The following ADCY8 variants were observed in gnomAD, a reference collection of about 807,000 sequenced individuals.
ADCY8 encodes adenylate cyclase type 8.
ADCY8 carries 51 observed loss-of-function variants against 119.7 expected under a neutral mutation model. The ratio of observed to expected loss-of-function variants is 0.43; its 90% confidence interval spans 0.34 to 0.54. ADCY8 has a LOEUF of 0.54. Among genes scored for constraint, ADCY8 ranks in the 20% least tolerant of loss-of-function variants. ADCY8 has a pLI of 0.03. For missense variants in ADCY8, 1,383 were observed against 1,598.8 expected (o/e 0.87, Z 2.30); for synonymous variants, 665 against 651.0 (o/e 1.02, Z -0.33).
At chr8:130,918,746 C>T (rs1183394993) in intron 5 of ADCY8, among the ~76,000 whole-genome samples, 2 of 152,142 alleles carry the variant, frequency 1.3e-5, no homozygotes, top group Non-Finnish European at 2.9e-5. Context: ...CATTGGACAA[C>T]CTCTAATCCA....
rs923574977 is a variant in ADCY8 at position 130,909,817 on chromosome 8, G to T, written c.1531C>A (p.His511Asn). 1 of 1,614,018 alleles carries T rather than the reference G, an allele frequency of 6.2e-7. No homozygotes were observed. The highest frequency in any genetic ancestry group is 8.5e-7 in the Non-Finnish European group (1 of 1,180,026). ...ACACCGCACAGCACCGAGCCGGAGTGGATTCCAATCCTCATGTCAACATCG... is the reference window on the plus strand; with the variant it reads ...ACACCGCACAGCACCGAGCCGGAGTTGATTCCAATCCTCATGTCAACATCG... Reference protein sequence around the residue: ...KHDVDMRIGIHSGSVLCGVLG... With the variant: ...KHDVDMRIGINSGSVLCGVLG... Residue 511 changes from histidine to asparagine, a missense_variant, in exon 6 of 18, where the codon CAC (histidine) becomes AAC (asparagine). Transcript: ENST00000286355.
chr8:130,798,879 C>T (rs1586424003), intron 15 of ADCY8, among the ~76,000 whole-genome samples: 2 of 152,050 alleles, frequency 1.3e-5, no homozygotes, highest in South Asian at 4.1e-4. Context: ...TGGAAACACA[C>T]ACACACGCAT....
At chr8:130,914,668 A>G (rs1230116340) in intron 5 of ADCY8, among the ~76,000 whole-genome samples, 1 of 152,174 alleles carries the variant, frequency 6.6e-6, no homozygotes. Context: ...AGCATTCTTG[A>G]AGCTAAAATG....
At chr8:130,805,301 C>G (rs1815911801) in intron 14 of ADCY8, among the ~76,000 whole-genome samples, 3 of 152,076 alleles carry the variant, frequency 2.0e-5, no homozygotes, top group Admixed American at 2.0e-4. Flanking sequence ...TACCCGAGCC[C>G]CATAGTTGTT....
chr8:130,806,197 C>A (rs1168078526), intron 14 of ADCY8, among the ~76,000 whole-genome samples: 1 of 152,190 alleles, frequency 6.6e-6, no homozygotes, highest in African/African-American at 2.4e-5. Flanking sequence ...ATGACAGTGC[C>A]AGCTCTTGCT....
At chr8:130,833,885 G>GGT (rs1010704206) in intron 12 of ADCY8, among the ~76,000 whole-genome samples, 4 of 151,934 alleles carry the variant, frequency 2.6e-5, no homozygotes, top group Non-Finnish European at 4.4e-5. Context: ...AGAGACTTGA[G>GGT]GTGTGTGTGT....
intron 1 of ADCY8, among the ~76,000 whole-genome samples, chr8:130,999,942 T>G (rs759307455): frequency 6.6e-6 from 1 of 152,262 alleles, no homozygotes; most frequent in Admixed American, 6.5e-5. Context: ...TTAGGACTGA[T>G]GTTTCATCAT....
intron 9 of ADCY8, among the ~76,000 whole-genome samples, chr8:130,851,213 T>C (rs974978723): frequency 7.2e-5 from 11 of 152,350 alleles, no homozygotes; most frequent in Middle Eastern, 6.8e-3. Context: ...CAAAGACACA[T>C]CTTCCTCATC....
intron 9 of ADCY8, among the ~76,000 whole-genome samples, chr8:130,853,304 G>GGCTTT (rs1817600103): frequency 6.6e-6 from 1 of 152,230 alleles, no homozygotes; most frequent in African/African-American, 2.4e-5. Context: ...AGCCCAGGTT[G>GGCTTT]GCTTAACCCT....
intron 2 of ADCY8, among the ~76,000 whole-genome samples, chr8:130,970,398 A>C (rs1041323180): frequency 6.6e-6 from 1 of 152,204 alleles, no homozygotes; most frequent in African/African-American, 2.4e-5. Context: ...ATGGGAATGT[A>C]ATGCCTGATG....
chr8:130,834,701 T>C (rs1469198764), intron 12 of ADCY8, among the ~76,000 whole-genome samples: 2 of 152,164 alleles, frequency 1.3e-5, no homozygotes, highest in South Asian at 2.1e-4. Context: ...ATGAAATCCA[T>C]ATATATCAAC....
intron 1 of ADCY8, among the ~76,000 whole-genome samples, chr8:131,027,397 CA>C (rs1309539916): frequency 6.6e-6 from 1 of 152,072 alleles, no homozygotes; most frequent in Non-Finnish European, 1.5e-5. Flanking sequence ...TGATGAGGTT[CA>C]ACAGTAGAAC....
rs34424673 is a variant in ADCY8, at chr8:130,901,242, CTTTTTTT to C, written c.1911+2523_1911+2529del. On this transcript the variant is annotated intron_variant, in intron 7 of 17. Coordinates refer to ENST00000286355, the MANE Select transcript of ADCY8 (RefSeq NM_001115.3). ...GTGATTTTTTTTCCCCATCCCTCCT[CTTTTTTT>C]TTTTTTTTTTTTTTACTAGCAGTAG... 4.2e-3 allele frequency among the ~76,000 whole-genome samples: 481 copies of C among 115,574 alleles called. 4 individuals are homozygous for C. The highest frequency in any genetic ancestry group is 0.015 in the African/African-American group (470 of 30,576). 75.8% of individuals were successfully genotyped at this position (115,574 alleles called of 152,430 possible).
At chr8:130,843,733 T>G (rs6991158) in intron 11 of ADCY8, among the ~76,000 whole-genome samples, 1 of 152,132 alleles carries the variant, frequency 6.6e-6, no homozygotes, top group Non-Finnish European at 1.5e-5. Flanking sequence ...ATTGTGGGCC[T>G]TGTCCTGTGC....
chr8:131,014,809 C>T (rs182540558), intron 1 of ADCY8, among the ~76,000 whole-genome samples: 90 of 152,258 alleles, frequency 5.9e-4, no homozygotes, highest in Admixed American at 5.5e-3. Flanking sequence ...TACATAGACC[C>T]CTTGGCATAT....
Position 130,875,551 on chromosome 8 carries a change from C to T in ADCY8, c.2110-7605G>A, listed in dbSNP as rs182286883. Among the ~76,000 whole-genome samples the T allele has an allele frequency of 2.1e-3, 314 of 152,242 alleles. 3 individuals carry two copies. The highest frequency in any genetic ancestry group is 7.0e-3 in the African/African-American group (292 of 41,526). Reference sequence around the variant, plus strand: ...CCAAGACAAAAATGTGCATTTTGCTCGTTACCTAATTCCAGAGTCCAACAT... The same window carrying T: ...CCAAGACAAAAATGTGCATTTTGCTTGTTACCTAATTCCAGAGTCCAACAT... On this transcript the variant is annotated intron_variant, in intron 8 of 17. Coordinates refer to ENST00000286355, the MANE Select transcript of ADCY8 (RefSeq NM_001115.3).
chr8:130,845,843 A>G lies in ADCY8; in HGVS notation c.2502+1581T>C, dbSNP rs550504900. On this transcript the variant is annotated intron_variant, in intron 11 of 17. Coordinates refer to ENST00000286355, the MANE Select transcript of ADCY8 (RefSeq NM_001115.3). ...AAGCCTTGATAATTGAATTAATAAA[A>G]GAAGGAAGGAAGGATAGAAAGAAGA... Among the ~76,000 whole-genome samples the G allele has an allele frequency of 3.3e-5, 5 of 152,290 alleles. No individual in the cohort carries two copies. The East Asian group carries it at 9.7e-4, about 29-fold the overall frequency.
intron 2 of ADCY8, among the ~76,000 whole-genome samples, chr8:130,968,372 C>T (rs1340958121): frequency 2.0e-5 from 3 of 152,056 alleles, no homozygotes; most frequent in Non-Finnish European, 2.9e-5. Context: ...GGGGTTCCAC[C>T]GTGTTAGCCA....
intron 8 of ADCY8, among the ~76,000 whole-genome samples, chr8:130,879,107 T>C (rs929264278): frequency 5.3e-5 from 8 of 152,158 alleles, no homozygotes; most frequent in African/African-American, 1.9e-4. Flanking sequence ...CATCCATAAG[T>C]AAATGTAATT....
Sources: gnomAD v4.1 joint callset for allele counts (sites outside exome capture counted in the v4.1 genomes callset) on GRCh38, gnomAD v4.1.1 for gene constraint, MANE v1.5 for transcripts, NCBI Gene and HGNC (gene_info 2026-07-23, HGNC 2026-07-21) for gene names.